The following VOPP1 variants were observed in gnomAD, a reference collection of about 807,000 sequenced individuals.
VOPP1 encodes the protein WW domain binding protein VOPP1.
Under a neutral mutation model 23.5 loss-of-function variants are expected in VOPP1, and 8 were observed. The observed-to-expected ratio is 0.34, with a 90% CI of 0.20 to 0.61. The LOEUF (loss-of-function observed/expected upper bound fraction) is 0.61, where lower values mean the gene tolerates loss of function less well. VOPP1 is among the 20% of genes least tolerant of loss of function. The pLI is 0.78. For missense variants in VOPP1, 174 were observed against 238.1 expected (o/e 0.73, Z 1.77); for synonymous variants, 83 against 97.3 (o/e 0.85, Z 0.86).
intron 4 of VOPP1, among the ~76,000 whole-genome samples, chr7:55,484,010 GCCTCC>G (rs1792940658): frequency 1.3e-5 from 2 of 152,152 alleles, no homozygotes; most frequent in Non-Finnish European, 2.9e-5. Flanking sequence ...ACCTGCCTCA[GCCTCC>G]CCAAAGTGCT....
chr7:55,568,586 T>G (rs1798241904), intron 1 of VOPP1, among the ~76,000 whole-genome samples: 1 of 152,218 alleles, frequency 6.6e-6, no homozygotes, highest in Non-Finnish European at 1.5e-5. Flanking sequence ...ATACTATACA[T>G]TTCTGGGCTC....
intron 1 of VOPP1, among the ~76,000 whole-genome samples, chr7:55,528,805 A>T (rs1796330883): frequency 6.6e-6 from 1 of 152,232 alleles, no homozygotes; most frequent in Admixed American, 6.5e-5. Flanking sequence ...AAGGCTAGAA[A>T]GGGTGTACTC....
chr7:55,479,566 T>C lies in VOPP1; in HGVS notation c.329-6521A>G, dbSNP rs184825338. Among the ~76,000 whole-genome samples, 384 of 152,320 alleles carry C rather than the reference T, an allele frequency of 2.5e-3. 2 individuals carry two copies. Among genetic ancestry groups the C allele is most frequent in the African/African-American group, 8.6e-3 (359 of 41,570 alleles). On this transcript the variant is annotated intron_variant, in intron 4 of 4. Coordinates refer to ENST00000285279, the MANE Select transcript of VOPP1 (RefSeq NM_030796.5). ...ATGATAAACTGTTTACAAACAGTAA[T>C]AGTTTTGTTTCTCCTTCCTGATGGT...
chr7:55,524,155 G>A (rs949154090), intron 1 of VOPP1, among the ~76,000 whole-genome samples: 4 of 152,078 alleles, frequency 2.6e-5, no homozygotes, highest in Non-Finnish European at 4.4e-5. Context: ...TCTTCTTCCC[G>A]CATTTTTCTG....
intron 4 of VOPP1, among the ~76,000 whole-genome samples, chr7:55,436,665 TGCGTGCGTGTGC>T (rs975966274): frequency 4.0e-5 from 6 of 151,604 alleles, no homozygotes; most frequent in East Asian, 3.9e-4. Context: ...TGTGCGTGTG[TGCGTGCGTGTGC>T]GTGTGTGCAT....
chr7:55,521,025 A>G (rs925306738), intron 2 of VOPP1, 47 bp downstream of exon 2: 1 of 1,537,090 alleles, frequency 6.5e-7, no homozygotes, highest in Non-Finnish European at 8.8e-7. Flanking sequence ...ATTCCCAGAG[A>G]AAGGTATGGC....
chr7:55,566,560 T>G (rs1221839677), intron 1 of VOPP1, among the ~76,000 whole-genome samples: 2 of 152,190 alleles, frequency 1.3e-5, no homozygotes, highest in East Asian at 1.9e-4. Flanking sequence ...AGACCATATC[T>G]CTAAATAAAT....
At chr7:55,498,264 G>C (rs1794115682) in intron 2 of VOPP1, among the ~76,000 whole-genome samples, 1 of 152,202 alleles carries the variant, frequency 6.6e-6, no homozygotes, top group African/African-American at 2.4e-5. Flanking sequence ...GCACAGTACT[G>C]ACTTAAGTTT....
At chr7:55,491,781 TG>T (rs1291374816) in intron 4 of VOPP1, among the ~76,000 whole-genome samples, 1 of 152,234 alleles carries the variant, frequency 6.6e-6, no homozygotes, top group Non-Finnish European at 1.5e-5. Context: ...CTATGGTCTT[TG>T]TAAGTATTTG....
rs1300908890 is a variant in VOPP1, at chr7:55,549,752, A to G, written c.54+22519T>C. ...TCCCCAAACAGTACGTTCTAGGCAC[A>G]CATCCACTTAGACAAAGAACACCTC... On this transcript the variant is annotated intron_variant, in intron 1 of 4. Transcript: ENST00000285279. Among the ~76,000 whole-genome samples, 4 of 152,344 alleles carry G rather than the reference A, an allele frequency of 2.6e-5. No homozygotes were observed. The East Asian group carries it at 5.8e-4, about 22-fold the overall frequency.
At position 55,518,706 on chromosome 7, in the gene VOPP1, C is replaced by CT. The variant is rs1268064158; in HGVS notation, c.113+2365dup. ...GCTGTGTGCCAGGCACTATCCTACGCTTGTTGGGAAGCCAAGTATTTATAA... is the reference window on the plus strand; with the variant it reads ...GCTGTGTGCCAGGCACTATCCTACGCTTTGTTGGGAAGCCAAGTATTTATAA... On this transcript the variant is annotated intron_variant, in intron 2 of 4. Coordinates refer to ENST00000285279, the MANE Select transcript of VOPP1 (RefSeq NM_030796.5). Among the ~76,000 whole-genome samples the CT allele has an allele frequency of 2.0e-5, 3 of 152,322 alleles. No individual in the cohort carries two copies. The East Asian group carries it at 5.8e-4, about 29-fold the overall frequency.
chr7:55,500,064 G>A (rs116614692), intron 2 of VOPP1, among the ~76,000 whole-genome samples: 1 of 152,132 alleles, frequency 6.6e-6, no homozygotes, highest in Non-Finnish European at 1.5e-5. Context: ...TTCCTCTCAC[G>A]AATGTGCAAA....
At chr7:55,444,544 T>C (rs1791047819) in intron 4 of VOPP1, among the ~76,000 whole-genome samples, 1 of 71,152 alleles carries the variant, frequency 1.4e-5, no homozygotes, top group Non-Finnish European at 2.8e-5. Flanking sequence ...AGGGCACAAA[T>C]ATCAGGAGGC....
intron 2 of VOPP1, among the ~76,000 whole-genome samples, chr7:55,520,123 C>T (rs1795743275): frequency 1.3e-5 from 2 of 151,962 alleles, no homozygotes; most frequent in Admixed American, 1.3e-4. Context: ...CAGGACTCCA[C>T]CTCAAATAAT....
rs377223914 is a variant in VOPP1, at chr7:55,521,138, T to C, written c.55-8A>G. ...CTTTTTGGCTTCTGTGCACTGCAAA[T>C]AGAAGCAAGAAAAAGTTTGTCAGTA... is the stretch of plus-strand genomic sequence containing the variant. On this transcript the variant is annotated splice_polypyrimidine_tract_variant and splice_region_variant and intron_variant, in intron 1 of 4. Transcript: ENST00000285279. The C allele has an allele frequency of 1.6e-5, 25 of 1,572,008 alleles. No individual in the cohort carries two copies. Among genetic ancestry groups the C allele is most frequent in the African/African-American group, 1.1e-4 (8 of 74,010 alleles).
At chr7:55,468,330 A>G (rs112223708), downstream of VOPP1, among the ~76,000 whole-genome samples, 1,819 of 151,244 alleles carry the variant, frequency 0.012, 13 homozygotes, top group Middle Eastern at 0.021. Context: ...GGCCCTGAGG[A>G]GGAGAGGAGA....
chr7:55,499,704 C>A (rs962825408), intron 2 of VOPP1, among the ~76,000 whole-genome samples: 2 of 152,152 alleles, frequency 1.3e-5, no homozygotes, highest in Non-Finnish European at 2.9e-5. Flanking sequence ...ACGCAGGAAT[C>A]CAGTCTGCCA....
At chr7:55,557,316 A>G (rs1453700389) in intron 1 of VOPP1, among the ~76,000 whole-genome samples, 1 of 152,196 alleles carries the variant, frequency 6.6e-6, no homozygotes, top group Non-Finnish European at 1.5e-5. Flanking sequence ...GGAAGGCTGC[A>G]CAGATGAAAC....
chr7:55,483,150 G>T (rs1792868932), intron 4 of VOPP1, among the ~76,000 whole-genome samples: 1 of 152,128 alleles, frequency 6.6e-6, no homozygotes, highest in Non-Finnish European at 1.5e-5. Flanking sequence ...TTCAATGCTT[G>T]TGTCTTCATC....
Sources: gnomAD v4.1 joint callset for allele counts (sites outside exome capture counted in the v4.1 genomes callset) on GRCh38, gnomAD v4.1.1 for gene constraint, MANE v1.5 for transcripts, NCBI Gene and HGNC (gene_info 2026-07-23, HGNC 2026-07-21) for gene names.